CLIP1: variants seen among roughly 807,000 people sequenced by gnomAD.
CLIP1 encodes CAP-Gly domain containing linker protein 1.
Under a neutral mutation model 161.6 loss-of-function variants are expected in CLIP1, and 66 were observed. That is an observed-to-expected ratio of 0.41 (90% CI 0.33 to 0.50). The LOEUF (loss-of-function observed/expected upper bound fraction) is 0.50. Among genes scored for constraint, CLIP1 ranks in the 20% least tolerant of loss-of-function variants. The pLI is 0.27. For missense variants in CLIP1, 1,376 were observed against 1,702.0 expected (o/e 0.81, Z 3.37); for synonymous variants, 598 against 626.2 (o/e 0.96, Z 0.67).
chr12:122,377,011 A>ATT (rs1292855847), intron 3 of CLIP1, among the ~76,000 whole-genome samples: 10 of 135,900 alleles, frequency 7.4e-5, no homozygotes, highest in Admixed American at 1.5e-4. Flanking sequence ...TATTTCTGGC[A>ATT]TTTTTTTTTT....
At chr12:122,366,157 A>G (rs1261809288) in intron 3 of CLIP1, among the ~76,000 whole-genome samples, 1 of 152,072 alleles carries the variant, frequency 6.6e-6, no homozygotes, top group Non-Finnish European at 1.5e-5. Flanking sequence ...AAATACAAAA[A>G]TCAGCTGGGT....
At chr12:122,357,746 C>T (rs1218228973) in intron 5 of CLIP1, among the ~76,000 whole-genome samples, 5 of 148,446 alleles carry the variant, frequency 3.4e-5, no homozygotes, top group African/African-American at 5.0e-5. Context: ...GGCGCCTCTG[C>T]CCGGCCGCCC....
chr12:122,356,607 T>TCTCTCC (rs950381751), intron 5 of CLIP1, among the ~76,000 whole-genome samples: 2 of 150,508 alleles, frequency 1.3e-5, no homozygotes, highest in Non-Finnish European at 3.0e-5. Flanking sequence ...TCCCTCTCCC[T>TCTCTCC]CTCTCCCTCT....
At chr12:122,273,224 TAAG>T (rs749073078) in intron 25 of CLIP1, 124 bp from the exon 26 acceptor site, 2 of 697,746 alleles carry the variant, frequency 2.9e-6, no homozygotes, top group Non-Finnish European at 4.9e-6. Flanking sequence ...GCTTCCAGTA[TAAG>T]TAGTGCATTA....
chr12:122,357,158 CCT>C (rs1011263111), intron 5 of CLIP1, among the ~76,000 whole-genome samples: 1 of 150,318 alleles, frequency 6.7e-6, no homozygotes, highest in Non-Finnish European at 1.5e-5. Context: ...GTGAGGAGCG[CCT>C]CTTCCCGGCC....
At chr12:122,402,644 TG>T (rs1367916763) in intron 1 of CLIP1, among the ~76,000 whole-genome samples, 2 of 152,150 alleles carry the variant, frequency 1.3e-5, no homozygotes, top group African/African-American at 4.8e-5. Context: ...GATGTGGTGG[TG>T]GGCACCTATA....
At chr12:122,304,855 A>G (rs890294034) in intron 20 of CLIP1, among the ~76,000 whole-genome samples, 3 of 152,212 alleles carry the variant, frequency 2.0e-5, no homozygotes, top group Non-Finnish European at 4.4e-5. Context: ...GATGGCTGAT[A>G]ACCACCATTT....
chr12:122,325,264 G>A (rs1323663070), intron 17 of CLIP1, among the ~76,000 whole-genome samples: 1 of 151,916 alleles, frequency 6.6e-6, no homozygotes, highest in African/African-American at 2.4e-5. Context: ...CACCATGTTG[G>A]CCAGGCTGGT....
chr12:122,395,841 G>C (rs997449562), intron 1 of CLIP1: 1 of 152,232 alleles, frequency 6.6e-6, no homozygotes, highest in Non-Finnish European at 1.5e-5. Flanking sequence ...GCCAGGCGTG[G>C]TGGCTCACGC....
At chr12:122,367,115 G>C (rs1954212148) in intron 3 of CLIP1, among the ~76,000 whole-genome samples, 1 of 152,210 alleles carries the variant, frequency 6.6e-6, no homozygotes, top group Non-Finnish European at 1.5e-5. Context: ...CGAAGTCACT[G>C]TCATGACAAT....
intron 20 of CLIP1, among the ~76,000 whole-genome samples, chr12:122,293,044 A>G (rs191243514): frequency 9.9e-5 from 15 of 151,908 alleles, no homozygotes; most frequent in African/African-American, 3.4e-4. Flanking sequence ...TATAAAGACA[A>G]TCCACAGATG....
At chr12:122,317,000 T>C in intron 18 of CLIP1, 145 bp from the exon 19 acceptor site, 1 of 584,032 alleles carries the variant, frequency 1.7e-6, no homozygotes, top group Non-Finnish European at 3.0e-6. Flanking sequence ...GTGAAGAGAT[T>C]ACAGATGACA....
At chr12:122,421,479 T>C (rs1956939887) in intron 1 of CLIP1, among the ~76,000 whole-genome samples, 1 of 152,086 alleles carries the variant, frequency 6.6e-6, no homozygotes, top group African/African-American at 2.4e-5. Context: ...ACTTAATACT[T>C]ATAGAGCTGC....
At chr12:122,384,730 C>T (rs1331947818) in intron 1 of CLIP1, among the ~76,000 whole-genome samples, 1 of 150,844 alleles carries the variant, frequency 6.6e-6, no homozygotes, top group South Asian at 2.1e-4. Context: ...CACTGCACTC[C>T]GGCCTGGGTG....
intron 10 of CLIP1, among the ~76,000 whole-genome samples, chr12:122,346,507 T>C (rs1952756093): frequency 6.6e-6 from 1 of 152,138 alleles, no homozygotes; most frequent in Non-Finnish European, 1.5e-5. Context: ...TTTTTTGTTT[T>C]GTTTTGTTTT....
At chr12:122,390,176 T>TATAG (rs1347449199) in intron 1 of CLIP1, among the ~76,000 whole-genome samples, 1 of 99,972 alleles carries the variant, frequency 1.0e-5, no homozygotes, top group Non-Finnish European at 1.7e-5. Flanking sequence ...GTCTCAGATA[T>TATAG]ATATATATAT....
chr12:122,391,626 T>C (rs923734303), intron 1 of CLIP1, among the ~76,000 whole-genome samples: 1 of 152,176 alleles, frequency 6.6e-6, no homozygotes, highest in African/African-American at 2.4e-5. Flanking sequence ...AAGAACTTCA[T>C]GTCAGCTTTA....
At chr12:122,288,342 ATT>A (rs917859505) in intron 21 of CLIP1, 145 bp downstream of exon 21, 48 of 683,440 alleles carry the variant, frequency 7.0e-5, no homozygotes, top group African/African-American at 6.0e-4. Flanking sequence ...GGATTTTCAT[ATT>A]TTGTCAGTTA....
At chr12:122,377,049 G>A (rs540829334) in intron 3 of CLIP1, among the ~76,000 whole-genome samples, 4 of 142,952 alleles carry the variant, frequency 2.8e-5, no homozygotes, top group Non-Finnish European at 3.0e-5. Context: ...TCACTCTCTC[G>A]CCCAGGCTGG....
Sources: gnomAD v4.1 joint callset for allele counts (sites outside exome capture counted in the v4.1 genomes callset) on GRCh38, gnomAD v4.1.1 for gene constraint, MANE v1.5 for transcripts, NCBI Gene and HGNC (gene_info 2026-07-23, HGNC 2026-07-21) for gene names.